DCC: variants seen among roughly 807,000 people sequenced by gnomAD.
DCC encodes netrin receptor DCC.
DCC carries 58 observed loss-of-function variants against 172.5 expected under a neutral mutation model. That is an observed-to-expected ratio of 0.34 (90% CI 0.27 to 0.42). DCC has a LOEUF of 0.42. Ranked by LOEUF, DCC falls within the 10% of genes least tolerant of loss-of-function variation. DCC has a pLI of 1.00. For missense variants in DCC, 1,740 were observed against 1,791.0 expected (o/e 0.97, Z 0.51); for synonymous variants, 709 against 644.5 (o/e 1.10, Z -1.52).
At chr18:52,613,904 C>T (rs2144846047) in intron 1 of DCC, among the ~76,000 whole-genome samples, 1 of 152,196 alleles carries the variant, frequency 6.6e-6, no homozygotes, top group East Asian at 1.9e-4. Flanking sequence ...TTTCAGGGCA[C>T]ATGGAAACAC....
chr18:53,268,822 A>G (rs1166741931), intron 12 of DCC, among the ~76,000 whole-genome samples: 1 of 152,220 alleles, frequency 6.6e-6, no homozygotes, highest in Non-Finnish European at 1.5e-5. Flanking sequence ...GCTAAAGAGC[A>G]GAGGACTGGG....
chr18:53,468,209 T>G (rs2045647177), intron 25 of DCC, among the ~76,000 whole-genome samples, 199 bp downstream of exon 25: 1 of 152,024 alleles, frequency 6.6e-6, no homozygotes, highest in South Asian at 2.1e-4. Flanking sequence ...TTGTATACAA[T>G]CAGATGGTCT....
intron 1 of DCC, among the ~76,000 whole-genome samples, chr18:52,559,601 A>G (rs930881840): frequency 2.0e-5 from 3 of 152,176 alleles, no homozygotes; most frequent in Non-Finnish European, 2.9e-5. Context: ...GTACTGCAAT[A>G]TGAAATAATG....
At chr18:52,451,166 C>T (rs960655378) in intron 1 of DCC, among the ~76,000 whole-genome samples, 4 of 152,104 alleles carry the variant, frequency 2.6e-5, no homozygotes, top group African/African-American at 9.7e-5. Flanking sequence ...TCTTTCCTCC[C>T]TCCCTTCTTT....
chr18:52,807,959 G>A lies in DCC; in HGVS notation c.412+55585G>A, dbSNP rs576603056. On this transcript the variant is annotated intron_variant, in intron 2 of 28. Coordinates refer to ENST00000442544, the MANE Select transcript of DCC (RefSeq NM_005215.4). ...GGAACTGAAACTCATCCCCTTTCAT[G>A]TGTTAATTCGGACTGATACCACATT... Among the ~76,000 whole-genome samples the A allele has an allele frequency of 5.9e-5, 9 of 152,300 alleles. No homozygotes were observed. In the South Asian group the frequency reaches 1.0e-3, roughly 18 times the overall value.
intron 1 of DCC, among the ~76,000 whole-genome samples, chr18:52,562,466 A>G (rs1410381325): frequency 6.6e-6 from 1 of 152,178 alleles, no homozygotes; most frequent in Admixed American, 6.6e-5. Context: ...TACTTTATTT[A>G]GCCACATAGA....
chr18:52,352,049 T>C (rs1984147327), intron 1 of DCC, among the ~76,000 whole-genome samples: 1 of 152,154 alleles, frequency 6.6e-6, no homozygotes, highest in African/African-American at 2.4e-5. Context: ...ATTGAGATCC[T>C]TAAACCACTG....
At chr18:52,590,812 T>C (rs560332083) in intron 1 of DCC, among the ~76,000 whole-genome samples, 2 of 152,358 alleles carry the variant, frequency 1.3e-5, no homozygotes, top group South Asian at 2.1e-4. Context: ...GATACACAGA[T>C]AAGTCTTTAC....
At chr18:52,454,113 C>G (rs1988388114) in intron 1 of DCC, among the ~76,000 whole-genome samples, 1 of 152,066 alleles carries the variant, frequency 6.6e-6, no homozygotes, top group African/African-American at 2.4e-5. Flanking sequence ...AATAAGAATT[C>G]TTAGAATATC....
chr18:53,521,484 A>T (rs73462968), intron 27 of DCC, among the ~76,000 whole-genome samples: 6,168 of 152,220 alleles, frequency 0.041, 377 homozygotes, highest in East Asian at 0.13. Flanking sequence ...CTAGGAATTC[A>T]TTTCTCTGCA....
intron 2 of DCC, among the ~76,000 whole-genome samples, chr18:52,839,338 C>A (rs1320105114): frequency 6.6e-6 from 1 of 152,140 alleles, no homozygotes; most frequent in Non-Finnish European, 1.5e-5. Context: ...TAAAAGGTTG[C>A]AGCTACCCAC....
chr18:52,939,485 G>A (rs570440935), intron 5 of DCC, among the ~76,000 whole-genome samples: 1 of 152,124 alleles, frequency 6.6e-6, no homozygotes, highest in Non-Finnish European at 1.5e-5. Flanking sequence ...TTTATGTACT[G>A]TTTTACTTAC....
At chr18:53,440,326 T>G (rs992978793) in intron 22 of DCC, among the ~76,000 whole-genome samples, 1 of 152,170 alleles carries the variant, frequency 6.6e-6, no homozygotes, top group Non-Finnish European at 1.5e-5. Flanking sequence ...TAATAGTATT[T>G]TATTGACCTC....
At chr18:52,625,813 C>T (rs1036062013) in intron 1 of DCC, among the ~76,000 whole-genome samples, 13 of 152,182 alleles carry the variant, frequency 8.5e-5, no homozygotes, top group African/African-American at 3.1e-4. Flanking sequence ...TGCTAAATGC[C>T]AATGTCAGTT....
chr18:52,548,385 T>C (rs1217486918), intron 1 of DCC, among the ~76,000 whole-genome samples: 4 of 152,062 alleles, frequency 2.6e-5, no homozygotes, highest in Non-Finnish European at 5.9e-5. Flanking sequence ...TTCCTGAGAC[T>C]GAGGGGTTTT....
intron 8 of DCC, among the ~76,000 whole-genome samples, chr18:53,176,360 G>A (rs1409412907): frequency 2.9e-5 from 4 of 138,050 alleles, no homozygotes; most frequent in African/African-American, 1.1e-4. Flanking sequence ...CTTCTGCACA[G>A]CAAAAGAAAC....
chr18:53,406,212 G>A (rs1909639499), intron 19 of DCC, among the ~76,000 whole-genome samples: 1 of 152,070 alleles, frequency 6.6e-6, no homozygotes. Flanking sequence ...TCATTTGATA[G>A]CCTAGTTTAA....
chr18:52,602,092 A>G (rs1297038585), intron 1 of DCC, among the ~76,000 whole-genome samples: 2 of 152,092 alleles, frequency 1.3e-5, no homozygotes, highest in East Asian at 1.9e-4. Flanking sequence ...TCTATCCAAC[A>G]TATCTTTCAT....
intron 1 of DCC, among the ~76,000 whole-genome samples, chr18:52,423,121 A>G (rs1987305598): frequency 6.6e-6 from 1 of 152,162 alleles, no homozygotes; most frequent in Non-Finnish European, 1.5e-5. Context: ...TGGTACTTAC[A>G]TGTGTCATGC....
Sources: allele counts gnomAD v4.1 joint callset (sites outside exome capture counted in the v4.1 genomes callset), GRCh38; gene constraint gnomAD v4.1.1; transcripts MANE v1.5; gene names NCBI Gene and HGNC (gene_info 2026-07-23, HGNC 2026-07-21).